The following SPOCK3 variants were observed in gnomAD, a reference collection of about 807,000 sequenced individuals.
SPOCK3 encodes the protein SPARC (osteonectin), cwcv and kazal like domains proteoglycan 3, also known as testican-3.
SPOCK3 carries 30 observed loss-of-function variants against 56.6 expected under a neutral mutation model. That is an observed-to-expected ratio of 0.53 (90% CI 0.40 to 0.72). The LOEUF (loss-of-function observed/expected upper bound fraction) is 0.72, where lower values mean the gene tolerates loss of function less well. Among genes scored for constraint, SPOCK3 ranks in the 30% least tolerant of loss-of-function variants. The pLI is 0.00. For missense variants in SPOCK3, 527 were observed against 530.0 expected (o/e 0.99, Z 0.06); for synonymous variants, 196 against 183.3 (o/e 1.07, Z -0.56).
intron 4 of SPOCK3, among the ~76,000 whole-genome samples, chr4:166,996,142 T>C (rs973872782): frequency 3.3e-5 from 5 of 152,166 alleles, no homozygotes; most frequent in African/African-American, 1.2e-4. Context: ...ACTTTCATCA[T>C]TTTCTATATA....
At chr4:166,926,537 C>CT (rs536719151) in intron 4 of SPOCK3, among the ~76,000 whole-genome samples, 2 of 143,694 alleles carry the variant, frequency 1.4e-5, no homozygotes, top group Non-Finnish European at 3.1e-5. Context: ...TTTGTTTTTG[C>CT]TTTTTTTGTT....
At chr4:166,938,699 A>G (rs1405784743) in intron 4 of SPOCK3, among the ~76,000 whole-genome samples, 1 of 152,128 alleles carries the variant, frequency 6.6e-6, no homozygotes, top group Admixed American at 6.6e-5. Flanking sequence ...AAAAAACATA[A>G]TCAACATTTA....
Position 167,193,514 on chromosome 4 carries a change from C to T in SPOCK3, c.189+40471G>A, listed in dbSNP as rs895354026. 1.6e-4 allele frequency among the ~76,000 whole-genome samples: 24 copies of T among 145,672 alleles called. 2 individuals carry two copies. The highest frequency in any genetic ancestry group is 5.5e-4 in the African/African-American group (21 of 38,078). ...AGCTATAGTTAGTTTAATACTTTTG[C>T]CTTTTAACTTTTTAATAAAGTTAAA... On this transcript the variant is annotated intron_variant, in intron 2 of 10. Coordinates refer to ENST00000357545, the MANE Select transcript of SPOCK3 (RefSeq NM_001040159.2).
intron 2 of SPOCK3, among the ~76,000 whole-genome samples, chr4:167,222,481 CAT>C (rs572523106): frequency 2.1e-3 from 284 of 133,236 alleles, no homozygotes; most frequent in Non-Finnish European, 4.0e-3. Flanking sequence ...TATATATAAA[CAT>C]ATATATTACA....
chr4:167,017,493 G>A (rs1197021448), intron 3 of SPOCK3, among the ~76,000 whole-genome samples: 2 of 152,078 alleles, frequency 1.3e-5, no homozygotes, highest in East Asian at 1.9e-4. Flanking sequence ...ATAGATAGAG[G>A]CCATGATAGA....
chr4:166,890,007 A>C (rs139631645), intron 5 of SPOCK3, among the ~76,000 whole-genome samples: 1,584 of 152,004 alleles, frequency 0.01, 19 homozygotes, highest in Non-Finnish European at 0.012. Flanking sequence ...CTCGTGTGCA[A>C]ATGGTTTTTA....
Position 166,879,583 on chromosome 4 carries a change from T to A in SPOCK3, c.589+9547A>T, listed in dbSNP as rs138327478. 6.0e-3 allele frequency among the ~76,000 whole-genome samples: 908 copies of A among 152,320 alleles called. 9 individuals carry two copies. The highest frequency in any genetic ancestry group is 0.021 in the African/African-American group (853 of 41,566). On this transcript the variant is annotated intron_variant, in intron 6 of 10. Transcript: ENST00000357545. The stretch of plus-strand genomic sequence containing the variant: ...AATGACAAAGGCAAATTACCTTGCA[T>A]ATAGTAGATGCCAGATAAATGTTAT...
intron 7 of SPOCK3, among the ~76,000 whole-genome samples, chr4:166,782,789 A>G (rs1323847996): frequency 6.6e-6 from 1 of 152,166 alleles, no homozygotes; most frequent in African/African-American, 2.4e-5. Flanking sequence ...TAAATTGTAA[A>G]TAGGTTTAAA....
chr4:166,741,418 A>G (rs1734834463), intron 9 of SPOCK3, among the ~76,000 whole-genome samples: 1 of 152,244 alleles, frequency 6.6e-6, no homozygotes, highest in Non-Finnish European at 1.5e-5. Context: ...TAAAAATTGT[A>G]AGTTTATAAG....
At chr4:167,129,489 T>A (rs1762539485) in intron 2 of SPOCK3, among the ~76,000 whole-genome samples, 4 of 152,202 alleles carry the variant, frequency 2.6e-5, no homozygotes, top group African/African-American at 9.6e-5. Flanking sequence ...TTTCATCCCA[T>A]TCTGTTTAGT....
intron 2 of SPOCK3, among the ~76,000 whole-genome samples, chr4:167,067,811 G>A (rs948639483): frequency 6.6e-6 from 1 of 151,758 alleles, no homozygotes; most frequent in African/African-American, 2.4e-5. Flanking sequence ...AAGGAGACAG[G>A]CTTTTACAAT....
intron 6 of SPOCK3, among the ~76,000 whole-genome samples, chr4:166,820,127 T>C (rs951164556): frequency 2.0e-5 from 3 of 152,082 alleles, no homozygotes; most frequent in Middle Eastern, 3.4e-3. Flanking sequence ...ACAAGCAAGT[T>C]GACTAATTAA....
intron 4 of SPOCK3, among the ~76,000 whole-genome samples, chr4:166,969,583 C>T (rs1745152391): frequency 7.4e-6 from 1 of 136,004 alleles, no homozygotes; most frequent in Non-Finnish European, 1.6e-5. Context: ...CCTTAATTCT[C>T]TCTCTTCTGC....
chr4:166,975,842 G>T (rs1344356720), intron 4 of SPOCK3, among the ~76,000 whole-genome samples: 2 of 152,074 alleles, frequency 1.3e-5, no homozygotes, highest in African/African-American at 4.8e-5. Flanking sequence ...GAAATGACAG[G>T]ATCTCAGTAT....
chr4:167,089,298 A>C (rs1212991080), intron 2 of SPOCK3, among the ~76,000 whole-genome samples: 1 of 152,166 alleles, frequency 6.6e-6, no homozygotes, highest in Non-Finnish European at 1.5e-5. Flanking sequence ...GCAATTTCAC[A>C]TAGTATGTCC....
chr4:166,875,796 G>C (rs1733018203), intron 6 of SPOCK3, among the ~76,000 whole-genome samples: 1 of 152,236 alleles, frequency 6.6e-6, no homozygotes, highest in Non-Finnish European at 1.5e-5. Flanking sequence ...AAAGTGCCAA[G>C]TGAAGAGCAA....
chr4:167,114,318 C>T (rs1761153671), intron 2 of SPOCK3, among the ~76,000 whole-genome samples: 2 of 152,046 alleles, frequency 1.3e-5, no homozygotes, highest in South Asian at 4.1e-4. Context: ...GGTAAAAATA[C>T]CTTTTTCTAA....
intron 2 of SPOCK3, among the ~76,000 whole-genome samples, chr4:167,143,594 G>A (rs770487385): frequency 2.8e-4 from 43 of 151,782 alleles, no homozygotes; most frequent in Non-Finnish European, 5.4e-4. Context: ...GATAATCAAC[G>A]GTGTCTTAAA....
intron 6 of SPOCK3, among the ~76,000 whole-genome samples, chr4:166,888,769 CT>C (rs1373167737): frequency 6.6e-6 from 1 of 151,868 alleles, no homozygotes; most frequent in East Asian, 1.9e-4. Flanking sequence ...GATCAAACCA[CT>C]TAATTACTTA....
Sources: allele counts gnomAD v4.1 joint callset (sites outside exome capture counted in the v4.1 genomes callset), GRCh38; gene constraint gnomAD v4.1.1; transcripts MANE v1.5; gene names NCBI Gene and HGNC (gene_info 2026-07-23, HGNC 2026-07-21).